Variants in LMX1B observed in about 807,000 individuals in gnomAD.
LMX1B encodes the protein LIM homeobox transcription factor 1-beta.
In LMX1B, 12 loss-of-function variants were observed where a neutral mutation model predicts 51.4. That is an observed-to-expected ratio of 0.23 (90% CI 0.15 to 0.38). The LOEUF (loss-of-function observed/expected upper bound fraction) is 0.38. Ranked by LOEUF, LMX1B falls within the 10% of genes least tolerant of loss-of-function variation. LMX1B has a pLI of 1.00. For missense variants in LMX1B, 445 were observed against 571.1 expected (o/e 0.78, Z 2.25); for synonymous variants, 237 against 235.4 (o/e 1.01, Z -0.06).
intron 2 of LMX1B, among the ~76,000 whole-genome samples, chr9:126,648,154 G>A (rs888596780): frequency 1.3e-5 from 2 of 152,212 alleles, no homozygotes; most frequent in Non-Finnish European, 2.9e-5. Flanking sequence ...GGGCCTATAA[G>A]AAAAATGAAC....
intron 3 of LMX1B, among the ~76,000 whole-genome samples, 190 bp downstream of exon 3, chr9:126,691,258 C>G (rs1379361653): frequency 2.0e-5 from 3 of 152,050 alleles, no homozygotes; most frequent in Non-Finnish European, 4.4e-5. Flanking sequence ...GAACATGCAT[C>G]CCCCCAGGCA....
rs561917112 is a variant in LMX1B, at chr9:126,625,904, C to G, written c.326+10335C>G. 6.6e-6 allele frequency among the ~76,000 whole-genome samples: 1 copy of G among 152,312 alleles called. No individual in the cohort carries two copies. Among genetic ancestry groups the G allele is most frequent in the Non-Finnish European group, 1.5e-5 (1 of 68,022 alleles). ...TGGGCTTTAGCCGTGGCGCTCGCCT[C>G]GGCGCAGTGGGGAGCCGCGGGCGTC... On this transcript the variant is annotated intron_variant, in intron 2 of 7. Coordinates refer to ENST00000373474, the MANE Select transcript of LMX1B (RefSeq NM_001174147.2). This position sits in a 1 kb window ranked among gnomAD's most constrained non-coding sequence, Gnocchi z 5.3.
In LMX1B at chr9:126,625,024, C is replaced by T. The variant is rs1835494230; in HGVS notation, c.326+9455C>T. Reference sequence around the variant, plus strand: ...ATGGTGCTGAGTGACAGGGCTCTGTCGTTTAATCAGAGGCTGTGCCGCTCA... The same window carrying T: ...ATGGTGCTGAGTGACAGGGCTCTGTTGTTTAATCAGAGGCTGTGCCGCTCA... On this transcript the variant is annotated intron_variant, in intron 2 of 7. Transcript: ENST00000373474. This position sits in a 1 kb window ranked among gnomAD's most constrained non-coding sequence, Gnocchi z 5.3. 6.6e-6 allele frequency among the ~76,000 whole-genome samples: 1 copy of T among 152,238 alleles called. No individual in the cohort carries two copies.
chr9:126,696,160 C>G, intron 7 of LMX1B, 134 bp from the exon 8 acceptor site: 2 of 1,161,704 alleles, frequency 1.7e-6, no homozygotes, highest in East Asian at 2.3e-5. Context: ...GGGCCCCAGT[C>G]CTTCTTGGCC....
intron 2 of LMX1B, among the ~76,000 whole-genome samples, chr9:126,670,254 CAT>C (rs1472197285): frequency 6.6e-6 from 1 of 152,238 alleles, no homozygotes; most frequent in African/African-American, 2.4e-5. Context: ...CATGTGCATA[CAT>C]GAGTAGAGGC....
chr9:126,654,520 G>A (rs1836077198), intron 2 of LMX1B, among the ~76,000 whole-genome samples: 1 of 152,242 alleles, frequency 6.6e-6, no homozygotes. Context: ...GGCCTGGCAT[G>A]CCCACTTAGG....
chr9:126,649,019 C>T (rs1426481192), intron 2 of LMX1B, among the ~76,000 whole-genome samples: 1 of 152,148 alleles, frequency 6.6e-6, no homozygotes, highest in African/African-American at 2.4e-5. Flanking sequence ...TGCCTGCTTC[C>T]TGTCTTGGTG....
At chr9:126,664,001 C>T (rs931870782) in intron 2 of LMX1B, among the ~76,000 whole-genome samples, 1 of 152,208 alleles carries the variant, frequency 6.6e-6, no homozygotes, top group African/African-American at 2.4e-5. Flanking sequence ...TCTTGACTGC[C>T]AGGGCTCCTC....
chr9:126,639,344 C>A (rs1423436415), intron 2 of LMX1B, among the ~76,000 whole-genome samples: 1 of 152,186 alleles, frequency 6.6e-6, no homozygotes, highest in Admixed American at 6.5e-5. Flanking sequence ...CAGCCTGCCC[C>A]TCCATCATCT....
intron 2 of LMX1B, among the ~76,000 whole-genome samples, chr9:126,684,763 C>T (rs1836742167): frequency 6.6e-6 from 1 of 152,148 alleles, no homozygotes; most frequent in Admixed American, 6.5e-5. Context: ...GTGGTCTTTC[C>T]CTTGGTACAG....
At chr9:126,693,692 G>A in intron 5 of LMX1B, 54 bp from the exon 6 acceptor site, 1 of 1,587,208 alleles carries the variant, frequency 6.3e-7, no homozygotes, top group Non-Finnish European at 8.6e-7. Context: ...GCGTGGGGCT[G>A]GCTGTGCCTG....
rs1337692251 is a variant in LMX1B at position 126,614,158 on chromosome 9, AGCC to A, written c.-281_-279del. Among the ~76,000 whole-genome samples the A allele has an allele frequency of 7.0e-6, 1 of 142,532 alleles. No homozygotes were observed. The allele number at this position is 142,532 out of a possible 152,430, so 93.5% of individuals were successfully genotyped here. On this transcript the variant is annotated 5_prime_UTR_variant, in exon 1 of 8. Coordinates refer to ENST00000373474, the MANE Select transcript of LMX1B (RefSeq NM_001174147.2). Reference sequence around the variant, plus strand: ...TCCTCCCCGCGGCTCCGTCTGCAGCAGCCGCCGCCGCCGGGTTCCGGGACTGAC... The same window carrying A: ...TCCTCCCCGCGGCTCCGTCTGCAGCAGCCGCCGCCGGGTTCCGGGACTGAC...
intron 2 of LMX1B, among the ~76,000 whole-genome samples, chr9:126,664,592 T>G (rs1055183874): frequency 6.6e-6 from 1 of 152,152 alleles, no homozygotes. Flanking sequence ...AATGCACAAG[T>G]TGGCTGGGCG....
In LMX1B at chr9:126,679,422, G is replaced by A. The variant is rs142682456; in HGVS notation, c.327-11414G>A. 1.3e-3 allele frequency among the ~76,000 whole-genome samples: 202 copies of A among 151,922 alleles called. 1 individual carries two copies. The highest frequency in any genetic ancestry group is 4.7e-3 in the African/African-American group (195 of 41,410). ...TGGAGGGGGGATGGGTAATATATGG[G>A]TGGTGGATGGATGGGTAAGTGGAAG... On this transcript the variant is annotated intron_variant, in intron 2 of 7. Coordinates refer to ENST00000373474, the MANE Select transcript of LMX1B (RefSeq NM_001174147.2).
At position 126,695,918 on chromosome 9, in the gene LMX1B, G is replaced by T; in HGVS notation, c.966G>T (p.Met322Ile). The change falls in exon 7 of 8, where the codon ATG becomes ATT. Residue 322 changes from methionine to isoleucine, a missense_variant. Around this residue, in one of 3 missense-constraint regions of LMX1B, gnomAD observed 162 missense variants for 187.8 expected, o/e 0.86. Coordinates refer to ENST00000373474, the MANE Select transcript of LMX1B (RefSeq NM_001174147.2). The surrounding 1 kb of genome is among the most constrained non-coding windows in gnomAD (Gnocchi z 5.2). ...CACCACAGCAGCAGATCGTGGCCAT[G>T]GAACAGAGCCCCTACGGCAGCAGCG... ...LAPPQQQIVA[M>I]EQSPYGSSDP... The T allele has an allele frequency of 6.2e-7, 1 of 1,613,438 alleles. No individual in the cohort carries two copies. The highest frequency in any genetic ancestry group is 8.5e-7 in the Non-Finnish European group (1 of 1,179,794).
intron 2 of LMX1B, among the ~76,000 whole-genome samples, chr9:126,656,227 T>A (rs776591516): frequency 6.6e-6 from 1 of 152,224 alleles, no homozygotes; most frequent in Non-Finnish European, 1.5e-5. Context: ...CAGGTGTCAA[T>A]GAGCACCTCT....
rs4837103 is a variant in LMX1B, at chr9:126,671,250, T to C, written c.327-19586T>C. 5.4e-3 allele frequency among the ~76,000 whole-genome samples: 828 copies of C among 152,328 alleles called. 30 individuals carry two copies. The highest frequency in any genetic ancestry group is 0.04 in the Admixed American group (612 of 15,306). ...GGGGACCCCGCTCGGAAATCGGTCA[T>C]AAATTTCTTGAGATGCTTTAATTTT... On this transcript the variant is annotated intron_variant, in intron 2 of 7. Transcript: ENST00000373474. This position sits in a 1 kb window ranked among gnomAD's most constrained non-coding sequence, Gnocchi z 4.4.
Position 126,677,208 on chromosome 9 carries a change from G to T in LMX1B, c.327-13628G>T, listed in dbSNP as rs1312258273. ...CCCCCAGATTCTCTTCTCCATCCCT[G>T]GGAGAGGGTCCCCATCTCTGGCAGG... On this transcript the variant is annotated intron_variant, in intron 2 of 7. Transcript: ENST00000373474. This position sits in a 1 kb window ranked among gnomAD's most constrained non-coding sequence, Gnocchi z 5.0. Among the ~76,000 whole-genome samples the T allele has an allele frequency of 6.6e-6, 1 of 152,180 alleles. No individual in the cohort carries two copies. Among genetic ancestry groups the T allele is most frequent in the African/African-American group, 2.4e-5 (1 of 41,442 alleles).
chr9:126,692,927 C>T (rs1020108482), intron 3 of LMX1B, among the ~76,000 whole-genome samples: 16 of 152,170 alleles, frequency 1.1e-4, no homozygotes, highest in Admixed American at 1.0e-3. Flanking sequence ...GGAAGGGACT[C>T]GCAGGGTACA....
Sources: allele counts gnomAD v4.1 joint callset (sites outside exome capture counted in the v4.1 genomes callset), GRCh38; gene constraint gnomAD v4.1.1; regional missense constraint gnomAD v4.1.1; non-coding constraint Gnocchi (gnomAD v3.1); transcripts MANE v1.5; gene names NCBI Gene and HGNC (gene_info 2026-07-23, HGNC 2026-07-21).